The following MID2 variants were observed in gnomAD, a reference collection of about 807,000 sequenced individuals.
The protein encoded by MID2 is midline 2.
A neutral mutation model predicts 46.1 loss-of-function variants in MID2; 13 were observed. That is an observed-to-expected ratio of 0.28 (90% CI 0.18 to 0.45). The LOEUF is 0.45. Ranked by LOEUF, MID2 falls within the 20% of genes least tolerant of loss-of-function variation. The pLI is 1.00. For missense variants in MID2, 431 were observed against 575.4 expected (o/e 0.75, Z 2.57); for synonymous variants, 199 against 212.3 (o/e 0.94, Z 0.55).
At chrX:107,898,654 C>A (rs1932765324) in intron 3 of MID2, among the ~76,000 whole-genome samples, 1 of 112,087 alleles carries the variant, frequency 8.9e-6, no homozygotes. Context: ...ATCGTTATAT[C>A]CCACTCAGGG....
intron 7 of MID2, among the ~76,000 whole-genome samples, chrX:107,921,599 T>C (rs1454065673): frequency 3.6e-5 from 4 of 111,578 alleles, no homozygotes; most frequent in Non-Finnish European, 7.6e-5. Flanking sequence ...AGTTGAGTAT[T>C]CCCTCCCACA....
intron 2 of MID2, 50 bp downstream of exon 2, chrX:107,841,435 G>A (rs765786224): frequency 5.3e-6 from 5 of 940,314 alleles, no homozygotes; most frequent in Non-Finnish European, 7.4e-6. Context: ...CATAAATGCA[G>A]TTAGCAAGTT....
intron 3 of MID2, among the ~76,000 whole-genome samples, chrX:107,888,084 T>C (rs1255386030): frequency 1.2e-4 from 14 of 112,017 alleles, no homozygotes; most frequent in Non-Finnish European, 2.6e-4. Flanking sequence ...AGCTCCTGGA[T>C]TCATTGATTT....
chrX:107,924,897 G>A lies in MID2; in HGVS notation c.1597+393G>A, dbSNP rs188294045. On this transcript the variant is annotated intron_variant, in intron 8 of 9. Coordinates refer to ENST00000262843, the MANE Select transcript of MID2 (RefSeq NM_012216.4). ...CAACTAACATAGCTTAACAAATAGC[G>A]TTTGTTAATTGTTTAAATGAATAGT... Among the ~76,000 whole-genome samples, 9 of 112,331 alleles carry A rather than the reference G, an allele frequency of 8.0e-5. No individual in the cohort carries two copies. The East Asian group carries it at 2.2e-3, about 28-fold the overall frequency.
chrX:107,926,019 A>G (rs2076022889), intron 8 of MID2, 75 bp from the exon 9 acceptor site: 1 of 759,279 alleles, frequency 1.3e-6, no homozygotes, highest in Admixed American at 2.8e-5. Flanking sequence ...GCCAGTGATG[A>G]TGCTGGTGGA....
rs1933186156 is a variant in MID2, at chrX:107,926,713, A to G, written c.1848A>G (p.Glu616=). The change falls in exon 10 of 10, where the codon GAA becomes GAG. Residue 616 remains glutamate, a synonymous_variant. Transcript: ENST00000262843. ...GIAYKSAPKN[E]WIGKNASSWV... ...CCTACAAATCAGCTCCAAAGAATGA[A>G]TGGATTGGCAAGAATGCCTCCTCAT... is the stretch of plus-strand genomic sequence containing the variant. The G allele has an allele frequency of 8.3e-7, 1 of 1,210,871 alleles. No homozygotes were observed.
intron 3 of MID2, among the ~76,000 whole-genome samples, chrX:107,878,096 G>A (rs919256856): frequency 6.5e-4 from 72 of 111,205 alleles, no homozygotes; most frequent in African/African-American, 1.7e-3. Context: ...TTCTTCCCCC[G>A]CTTTGGACTG....
chrX:107,909,202 G>T (rs1348997964), intron 5 of MID2, among the ~76,000 whole-genome samples: 1 of 111,544 alleles, frequency 9.0e-6, no homozygotes, highest in African/African-American at 3.3e-5. Context: ...GATTTGATAG[G>T]TGAGATCAGA....
chrX:107,902,104 A>G (rs1485300511), intron 3 of MID2, among the ~76,000 whole-genome samples: 1 of 111,875 alleles, frequency 8.9e-6, no homozygotes, highest in Non-Finnish European at 1.9e-5. Flanking sequence ...TAACTGTGTA[A>G]CCTTAAGCAA....
chrX:107,845,519 A>ACTCTCT (rs1462079221), intron 2 of MID2, among the ~76,000 whole-genome samples: 66 of 82,096 alleles, frequency 8.0e-4, no homozygotes, highest in African/African-American at 2.4e-3. Context: ...ACACACACAC[A>ACTCTCT]CACACACTCT....
intron 1 of MID2, among the ~76,000 whole-genome samples, chrX:107,832,202 C>T (rs920798228): frequency 2.7e-5 from 3 of 111,905 alleles, no homozygotes; most frequent in African/African-American, 9.8e-5. Flanking sequence ...GGTAATCAGC[C>T]TCCAGTTCTG....
chrX:107,929,989 A>T lies in MID2; in HGVS notation c.*2916A>T, dbSNP rs768441152. On this transcript the variant is annotated 3_prime_UTR_variant, in exon 10 of 10. Coordinates refer to ENST00000262843, the MANE Select transcript of MID2 (RefSeq NM_012216.4). Reference sequence around the variant, plus strand: ...TGACCTAACCAGAATATCTGAGAACATAGGCAGGAATTTACATTTTTGACA... The same window carrying T: ...TGACCTAACCAGAATATCTGAGAACTTAGGCAGGAATTTACATTTTTGACA... Among the ~76,000 whole-genome samples, 15 of 111,971 alleles carry T rather than the reference A, an allele frequency of 1.3e-4. No individual in the cohort carries two copies. In the East Asian group the frequency reaches 4.2e-3, roughly 31 times the overall value.
chrX:107,864,441 A>C (rs959751143), intron 3 of MID2, among the ~76,000 whole-genome samples: 2 of 111,048 alleles, frequency 1.8e-5, no homozygotes, highest in African/African-American at 6.6e-5. Context: ...TTTTTGTGCC[A>C]TGAGGGGTGG....
At chrX:107,855,194 T>G (rs1182722307) in intron 3 of MID2, among the ~76,000 whole-genome samples, 2 of 111,406 alleles carry the variant, frequency 1.8e-5, no homozygotes, top group Non-Finnish European at 3.8e-5. Context: ...ATCTATACCA[T>G]GCACCCCACC....
chrX:107,843,068 A>G (rs1197504132), intron 2 of MID2, among the ~76,000 whole-genome samples: 1 of 112,205 alleles, frequency 8.9e-6, no homozygotes, highest in Non-Finnish European at 1.9e-5. Context: ...TCATAGATAA[A>G]TGATTAATGA....
In MID2 at chrX:107,840,616, A is replaced by G. The variant is rs189860793; in HGVS notation, c.5-54A>G. 6.3e-6 allele frequency: 6 copies of G among 959,979 alleles called. No homozygotes were observed. In the African/African-American group the frequency reaches 9.6e-5, roughly 15 times the overall value. 79.1% of individuals were successfully genotyped at this position (959,979 alleles called of 1,213,427 possible). On this transcript the variant is annotated intron_variant, in intron 1 of 9. Transcript: ENST00000262843. ...CCATTGGTTAGTGTATAATTGTGTT[A>G]TATCCATTTTCCTTTGGAAATGCCT... is the stretch of plus-strand genomic sequence containing the variant.
chrX:107,835,237 C>T (rs867878498), intron 1 of MID2, among the ~76,000 whole-genome samples: 51 of 112,150 alleles, frequency 4.5e-4, no homozygotes, highest in African/African-American at 1.6e-3. Context: ...AAGTAATATT[C>T]CACTGTGTCT....
chrX:107,899,857 T>G (rs957915507), intron 3 of MID2, among the ~76,000 whole-genome samples: 1 of 111,912 alleles, frequency 8.9e-6, no homozygotes, highest in Admixed American at 9.5e-5. Context: ...CAAGTATGCT[T>G]ATTAAGGTAA....
intron 3 of MID2, among the ~76,000 whole-genome samples, chrX:107,860,024 TAAG>T (rs1414348411): frequency 2.7e-5 from 3 of 111,866 alleles, no homozygotes; most frequent in African/African-American, 9.7e-5. Context: ...AATCTGTATT[TAAG>T]AAGGATTGCT....
Sources: gnomAD v4.1 joint callset for allele counts (sites outside exome capture counted in the v4.1 genomes callset) on GRCh38, gnomAD v4.1.1 for gene constraint, MANE v1.5 for transcripts, NCBI Gene and HGNC (gene_info 2026-07-23, HGNC 2026-07-21) for gene names.